Variants in GALNTL6 observed in about 807,000 individuals in gnomAD.
The protein encoded by GALNTL6 is polypeptide N-acetylgalactosaminyltransferase like 6, also known as polypeptide N-acetylgalactosaminyltransferase-like 6.
GALNTL6 carries 46 observed loss-of-function variants against 73.7 expected under a neutral mutation model. The ratio of observed to expected loss-of-function variants is 0.62; its 90% confidence interval spans 0.49 to 0.80. GALNTL6 has a LOEUF of 0.80. GALNTL6 is among the 30% of genes least tolerant of loss of function. GALNTL6 has a pLI of 0.00. For missense variants in GALNTL6, 604 were observed against 755.0 expected (o/e 0.80, Z 2.34); for synonymous variants, 259 against 263.7 (o/e 0.98, Z 0.17).
chr4:172,500,301 G>A (rs7677051), intron 5 of GALNTL6, among the ~76,000 whole-genome samples: 29,264 of 151,990 alleles, frequency 0.19, 3,363 homozygotes, highest in African/African-American at 0.32. Flanking sequence ...TACACCTGTA[G>A]TGCCAGCTAC....
At chr4:171,974,053 G>T (rs1322888386) in intron 2 of GALNTL6, among the ~76,000 whole-genome samples, 1 of 152,000 alleles carries the variant, frequency 6.6e-6, no homozygotes. Flanking sequence ...AGGCTGGAGT[G>T]CAGTGGCGAG....
At chr4:172,109,496 T>A (rs1732791960) in intron 2 of GALNTL6, among the ~76,000 whole-genome samples, 1 of 152,194 alleles carries the variant, frequency 6.6e-6, no homozygotes, top group South Asian at 2.1e-4. Flanking sequence ...TTGTTAGCCA[T>A]TCATCTGAAA....
At chr4:172,712,093 T>G (rs967561684) in intron 5 of GALNTL6, among the ~76,000 whole-genome samples, 2 of 152,134 alleles carry the variant, frequency 1.3e-5, no homozygotes, top group Non-Finnish European at 2.9e-5. Context: ...TGTGTAGGCA[T>G]GTAGGGTTGG....
At chr4:172,882,274 T>C (rs1745496068) in intron 7 of GALNTL6, among the ~76,000 whole-genome samples, 1 of 152,212 alleles carries the variant, frequency 6.6e-6, no homozygotes, top group South Asian at 2.1e-4. Flanking sequence ...GGTTTCTTAT[T>C]TTATTCTAAC....
intron 3 of GALNTL6, among the ~76,000 whole-genome samples, chr4:172,287,075 G>T (rs945374444): frequency 1.3e-5 from 2 of 152,166 alleles, no homozygotes; most frequent in African/African-American, 4.8e-5. Flanking sequence ...AAAAGGCAAA[G>T]CCTTGCAGGG....
At chr4:172,578,528 G>T (rs548302530) in intron 5 of GALNTL6, among the ~76,000 whole-genome samples, 1 of 152,228 alleles carries the variant, frequency 6.6e-6, no homozygotes, top group Admixed American at 6.5e-5. Flanking sequence ...TCCAGAAATT[G>T]TCTTAAATTC....
At chr4:172,444,185 G>A (rs767697232) in intron 5 of GALNTL6, among the ~76,000 whole-genome samples, 17 of 152,162 alleles carry the variant, frequency 1.1e-4, no homozygotes, top group Non-Finnish European at 2.2e-4. Flanking sequence ...TTTGTGAAAT[G>A]CTAGATGATT....
chr4:172,421,668 T>C (rs915814989), intron 5 of GALNTL6, among the ~76,000 whole-genome samples: 1 of 152,016 alleles, frequency 6.6e-6, no homozygotes, highest in Admixed American at 6.6e-5. Flanking sequence ...ACATAAGAAA[T>C]GTTCTTTCAA....
At chr4:172,859,505 CA>C (rs1744286110) in intron 7 of GALNTL6, among the ~76,000 whole-genome samples, 1 of 151,284 alleles carries the variant, frequency 6.6e-6, no homozygotes, top group South Asian at 2.1e-4. Context: ...TTGCACCAAA[CA>C]GGGGAGAGGA....
intron 2 of GALNTL6, among the ~76,000 whole-genome samples, chr4:172,081,708 G>A (rs748591652): frequency 7.9e-5 from 12 of 152,136 alleles, no homozygotes; most frequent in Non-Finnish European, 1.6e-4. Context: ...CTTGGAGCAG[G>A]AAGTGGAACA....
At chr4:171,870,158 T>C (rs1418925419) in intron 2 of GALNTL6, among the ~76,000 whole-genome samples, 1 of 152,226 alleles carries the variant, frequency 6.6e-6, no homozygotes, top group African/African-American at 2.4e-5. Context: ...TGTAAATAGC[T>C]GCATTACCAC....
intron 2 of GALNTL6, among the ~76,000 whole-genome samples, chr4:171,941,381 C>G (rs932593065): frequency 6.6e-6 from 1 of 152,220 alleles, no homozygotes; most frequent in African/African-American, 2.4e-5. Flanking sequence ...ATTGCCAGTT[C>G]TCCCCAAACA....
chr4:171,872,693 A>G (rs1334667671), intron 2 of GALNTL6, among the ~76,000 whole-genome samples: 1 of 152,146 alleles, frequency 6.6e-6, no homozygotes, highest in African/African-American at 2.4e-5. Context: ...ATTGTTCTCC[A>G]TCTGTGTGTG....
intron 4 of GALNTL6, among the ~76,000 whole-genome samples, chr4:172,331,491 G>C (rs1741125700): frequency 6.6e-6 from 1 of 152,154 alleles, no homozygotes; most frequent in African/African-American, 2.4e-5. Context: ...AGAACGTATT[G>C]ATTTTAACTG....
rs1430811589 is a variant in GALNTL6, at chr4:172,311,657, C to G, written c.291C>G (p.Asp97Glu). The change falls in exon 4 of 13, where the codon GAC becomes GAG. Residue 97 changes from aspartate (D) to glutamate (E), a missense_variant. By Grantham distance (45) the Asp-to-Glu change is conservative. This residue lies in a region of GALNTL6 where 141 missense variants were observed against 156.6 expected (regional missense o/e 0.90). Transcript: ENST00000506823. ...HGKPYPLTEE[D>E]HDDSAYRENG... ...AACCTTACCCCCTTACTGAAGAGGA[C>G]CATGATGACTCAGCTTACAGGGAAA... 6.2e-7 allele frequency: 1 copy of G among 1,611,888 alleles called. No individual in the cohort carries two copies. Among genetic ancestry groups the G allele is most frequent in the Non-Finnish European group, 8.5e-7 (1 of 1,178,598 alleles).
At chr4:172,495,557 A>G (rs759831032) in intron 5 of GALNTL6, among the ~76,000 whole-genome samples, 2 of 152,258 alleles carry the variant, frequency 1.3e-5, no homozygotes, top group African/African-American at 4.8e-5. Flanking sequence ...CCAGAGGACA[A>G]TGGTGTCCTG....
chr4:172,388,749 T>A (rs1035949574), intron 5 of GALNTL6, among the ~76,000 whole-genome samples: 1 of 152,026 alleles, frequency 6.6e-6, no homozygotes, highest in East Asian at 1.9e-4. Context: ...GAGAAAAAAA[T>A]TTGAGGAAAT....
chr4:172,386,698 A>G (rs1348152408), intron 5 of GALNTL6, among the ~76,000 whole-genome samples: 1 of 152,110 alleles, frequency 6.6e-6, no homozygotes, highest in Non-Finnish European at 1.5e-5. Context: ...TCAGAGTCCA[A>G]AGGCTGGAGA....
At chr4:172,367,463 C>T (rs967870050) in intron 5 of GALNTL6, among the ~76,000 whole-genome samples, 1 of 151,254 alleles carries the variant, frequency 6.6e-6, no homozygotes, top group Non-Finnish European at 1.5e-5. Context: ...CCTAGAAAGA[C>T]CTTTTTTTTT....
Sources: allele counts gnomAD v4.1 joint callset (sites outside exome capture counted in the v4.1 genomes callset), GRCh38; gene constraint gnomAD v4.1.1; regional missense constraint gnomAD v4.1.1; transcripts MANE v1.5; gene names NCBI Gene and HGNC (gene_info 2026-07-23, HGNC 2026-07-21).